ARHGAP44: variants seen among roughly 807,000 people sequenced by gnomAD.
ARHGAP44 encodes the protein rho GTPase-activating protein 44.
ARHGAP44 carries 43 observed loss-of-function variants against 106.8 expected under a neutral mutation model. The ratio of observed to expected loss-of-function variants is 0.40; its 90% CI spans 0.32 to 0.52. The LOEUF (loss-of-function observed/expected upper bound fraction) is 0.52. Among genes scored for constraint, ARHGAP44 ranks in the 20% least tolerant of loss-of-function variants. The pLI is 0.48. For synonymous variants in ARHGAP44, 439 were observed against 410.3 expected (o/e 1.07, Z -0.85); for missense variants, 866 against 1,050.5 (o/e 0.82, Z 2.43).
intron 1 of ARHGAP44, among the ~76,000 whole-genome samples, chr17:12,792,347 C>G (rs1470057813): frequency 6.6e-6 from 1 of 152,122 alleles, no homozygotes. Flanking sequence ...ATTTTCTTGT[C>G]TGTCTGCTTC....
At chr17:12,952,136 G>A (rs943107257) in intron 12 of ARHGAP44, among the ~76,000 whole-genome samples, 3 of 152,158 alleles carry the variant, frequency 2.0e-5, no homozygotes, top group Non-Finnish European at 2.9e-5. Flanking sequence ...TACATGATCT[G>A]TTTCCACGCT....
Position 12,958,689 on chromosome 17 carries a change from A to T in ARHGAP44, c.1343-28A>T, listed in dbSNP as rs1488894492. On this transcript the variant is annotated intron_variant, in intron 15 of 20. Transcript: ENST00000379672. This position sits in a 1 kb window ranked among gnomAD's most constrained non-coding sequence, Gnocchi z 4.1. Reference sequence around the variant, plus strand: ...GAAGGGTGTGGCAGACCAAGAGTTCACATGTACCAATTCTTTCTTCCCCGC... The same window carrying T: ...GAAGGGTGTGGCAGACCAAGAGTTCTCATGTACCAATTCTTTCTTCCCCGC... 2 of 1,609,260 alleles carry T rather than the reference A, an allele frequency of 1.2e-6. No homozygotes were observed. The highest frequency in any genetic ancestry group is 2.7e-5 in the African/African-American group (2 of 74,844).
intron 7 of ARHGAP44, among the ~76,000 whole-genome samples, chr17:12,937,621 A>T (rs1003719658): frequency 6.6e-6 from 1 of 152,184 alleles, no homozygotes; most frequent in Admixed American, 6.5e-5. Context: ...CAAATCTAAG[A>T]GTTGTTGAGT....
At position 12,938,565 on chromosome 17, in the gene ARHGAP44, T is replaced by C. The variant is rs116868362; in HGVS notation, c.583-2491T>C. On this transcript the variant is annotated intron_variant, in intron 7 of 20. Transcript: ENST00000379672. ...TCAATTCATGAACAGTTCTGGGACA[T>C]TTGGTTAGCTATATATTAAAAAAAA... is the stretch of plus-strand genomic sequence containing the variant. Among the ~76,000 whole-genome samples, 920 of 144,332 alleles carry C rather than the reference T, an allele frequency of 6.4e-3. 4 individuals carry two copies. The highest frequency in any genetic ancestry group is 0.014 in the South Asian group (62 of 4,428). The allele number at this position is 144,332 out of a possible 152,430, so 94.7% of individuals were successfully genotyped here. A position where few individuals can be genotyped will look rare whatever the true frequency, so the allele number is the denominator to read the frequency against.
In ARHGAP44 at chr17:12,941,122, A is replaced by G; in HGVS notation, c.649A>G (p.Thr217Ala). Residue 217 changes from threonine (T) to alanine (A), a missense_variant and splice_region_variant, in exon 8 of 21, where the codon ACG (threonine) becomes GCG (alanine). Thr to Ala is a moderately conservative substitution (Grantham distance 58). Transcript: ENST00000379672. ...AATTGACTATGCAAACTACTTTCAA[A>G]CGGTAAGTGCCCAGAAAGGTGAGAT... is the stretch of plus-strand genomic sequence containing the variant. The part of the protein sequence containing the change: ...KEIDYANYFQ[T>A]LIEVQAEYHR... 1 of 1,613,900 alleles carries G rather than the reference A, an allele frequency of 6.2e-7. No individual in the cohort carries two copies. The highest frequency in any genetic ancestry group is 8.5e-7 in the Non-Finnish European group (1 of 1,179,772).
chr17:12,946,799 T>TAA lies in ARHGAP44; in HGVS notation c.862-2331_862-2330dup, dbSNP rs3076674. On this transcript the variant is annotated intron_variant, in intron 10 of 20. Transcript: ENST00000379672. ...CTGGGCAACAGAGTGAGACTCTATC[T>TAA]AAAAAAAAAAAGTATTAATATTCCC... is the stretch of plus-strand genomic sequence containing the variant. 5.1e-3 allele frequency among the ~76,000 whole-genome samples: 758 copies of TAA among 147,812 alleles called. 13 individuals are homozygous for TAA. The East Asian group carries it at 0.069, about 14-fold the overall frequency.
rs775221767 is a variant in ARHGAP44, at chr17:12,949,601, C to G, written c.974-48C>G. On this transcript the variant is annotated intron_variant, in intron 11 of 20. Coordinates refer to ENST00000379672, the MANE Select transcript of ARHGAP44 (RefSeq NM_014859.6). This position sits in a 1 kb window ranked among gnomAD's most constrained non-coding sequence, Gnocchi z 4.1. ...GGCAGTGCTGGCTGGTGGGTCTTGC[C>G]TCTGCCACATCATAACAGTTCACAA... The G allele has an allele frequency of 2.4e-5, 38 of 1,587,396 alleles. No individual in the cohort carries two copies. In the African/African-American group the frequency reaches 5.0e-4, roughly 21 times the overall value.
intron 1 of ARHGAP44, among the ~76,000 whole-genome samples, chr17:12,868,763 T>TTC (rs910757970): frequency 9.9e-5 from 15 of 151,144 alleles, no homozygotes; most frequent in Admixed American, 9.9e-4. Context: ...GTTCAAGCAG[T>TTC]TCTCCTGCCT....
intron 1 of ARHGAP44, among the ~76,000 whole-genome samples, chr17:12,818,689 T>C (rs2034673882): frequency 6.6e-6 from 1 of 151,974 alleles, no homozygotes; most frequent in African/African-American, 2.4e-5. Flanking sequence ...CAGTGAACAA[T>C]TTAGAAAACA....
At position 12,894,896 on chromosome 17, in the gene ARHGAP44, GTTGTTAGTT is replaced by G. The variant is rs768736727; in HGVS notation, c.54-37_54-29del. On this transcript the variant is annotated intron_variant, in intron 1 of 20. Transcript: ENST00000379672. ...GATTAGGGAGTAATTATGAGGCTCT[GTTGTTAGTT>G]TTGTTACTGATATGTTTCTCAATGT... 8.6e-5 allele frequency: 133 copies of G among 1,543,534 alleles called. 1 individual carries two copies. In the Admixed American group the frequency reaches 2.4e-3, roughly 28 times the overall value.
Position 12,990,022 on chromosome 17 carries a change from C to A in ARHGAP44, c.2318-10C>A. 1 of 1,594,692 alleles carries A rather than the reference C, an allele frequency of 6.3e-7. No homozygotes were observed. Among genetic ancestry groups the A allele is most frequent in the South Asian group, 1.1e-5 (1 of 90,680 alleles). On this transcript the variant is annotated splice_polypyrimidine_tract_variant and intron_variant, in intron 20 of 20. Transcript: ENST00000379672. ...TCCTTTCAACCACCTCTCTCTCTGC[C>A]GCCTTCCAGATCTTGTCCACTTTGA...
chr17:12,894,301 GAGA>G (rs1415871719), intron 1 of ARHGAP44, among the ~76,000 whole-genome samples: 2 of 90,972 alleles, frequency 2.2e-5, no homozygotes, highest in Non-Finnish European at 2.2e-5. Context: ...GAGTGAGAAA[GAGA>G]GGGGGAGAGA....
At chr17:12,953,093 T>C (rs2039038288) in intron 13 of ARHGAP44, among the ~76,000 whole-genome samples, 1 of 152,196 alleles carries the variant, frequency 6.6e-6, no homozygotes, top group East Asian at 1.9e-4. Context: ...GGTGGACACC[T>C]GGGAGAAGCT....
chr17:12,948,385 G>T (rs1182205369), intron 10 of ARHGAP44, among the ~76,000 whole-genome samples: 1 of 152,152 alleles, frequency 6.6e-6, no homozygotes, highest in Non-Finnish European at 1.5e-5. Flanking sequence ...TTCTAAAAGT[G>T]TAGGCCGGGT....
intron 1 of ARHGAP44, among the ~76,000 whole-genome samples, chr17:12,872,672 C>G (rs376469239): frequency 2.6e-5 from 4 of 152,214 alleles, no homozygotes; most frequent in African/African-American, 9.6e-5. Context: ...TTTAGGATCT[C>G]TTTATTTTTC....
chr17:12,865,500 A>G (rs1408209775), intron 1 of ARHGAP44, among the ~76,000 whole-genome samples: 1 of 152,192 alleles, frequency 6.6e-6, no homozygotes, highest in African/African-American at 2.4e-5. Context: ...GTCAGAAATC[A>G]GTAGTGAGGC....
chr17:12,831,071 C>T (rs551709709), intron 1 of ARHGAP44, among the ~76,000 whole-genome samples: 6 of 152,308 alleles, frequency 3.9e-5, no homozygotes, highest in South Asian at 2.1e-4. Context: ...TATTCTGGCT[C>T]GCTTTCAAAG....
In ARHGAP44 at chr17:12,865,578, A is replaced by G. The variant is rs552390709; in HGVS notation, c.54-29362A>G. 1.1e-4 allele frequency among the ~76,000 whole-genome samples: 16 copies of G among 152,264 alleles called. No individual in the cohort carries two copies. The South Asian group carries it at 3.3e-3, about 32-fold the overall frequency. On this transcript the variant is annotated intron_variant, in intron 1 of 20. Transcript: ENST00000379672. ...GCTGAGGAGGGTGGATCACGAGGTC[A>G]GGAGATCCAGACCATCCTGGCTAAC...
In ARHGAP44 at chr17:12,872,222, G is replaced by A. The variant is rs1001381286; in HGVS notation, c.54-22718G>A. Among the ~76,000 whole-genome samples the A allele has an allele frequency of 7.9e-5, 12 of 152,204 alleles. No individual in the cohort carries two copies. In the East Asian group the frequency reaches 2.3e-3, roughly 29 times the overall value. ...TGGACTATCTTGTTTTTCCTGTCAT[G>A]AGAATCATATGCCTTCATACCTTCC... On this transcript the variant is annotated intron_variant, in intron 1 of 20. Transcript: ENST00000379672.
Sources: gnomAD v4.1 joint callset for allele counts (sites outside exome capture counted in the v4.1 genomes callset) on GRCh38, gnomAD v4.1.1 for gene constraint, Gnocchi (gnomAD v3.1) non-coding constraint, MANE v1.5 for transcripts, NCBI Gene and HGNC (gene_info 2026-07-23, HGNC 2026-07-21) for gene names.